The following PLAC1 variants were observed in gnomAD, a reference collection of about 807,000 sequenced individuals.
PLAC1 encodes placenta-specific protein 1.
For synonymous variants in PLAC1, 68 were observed against 62.1 expected, an observed-to-expected ratio of 1.09 and a Z score of -0.44; for missense variants, 136 against 163.2, an observed-to-expected ratio of 0.83 and a Z score of 0.91.
At chrX:134,666,084 C>T (rs916948040) in intron 2 of PLAC1, among the ~76,000 whole-genome samples, 5 of 111,431 alleles carry the variant, frequency 4.5e-5, no homozygotes, top group African/African-American at 1.3e-4. Context: ...AGCAAGCAAA[C>T]GCAGAATCGG....
chrX:134,608,736 C>T (rs1320003440), intron 1 of PLAC1, among the ~76,000 whole-genome samples: 5 of 100,826 alleles, frequency 5.0e-5, no homozygotes, highest in Admixed American at 2.2e-4. Context: ...AGTGCAGTGG[C>T]GCCATCTCCG....
intron 1 of PLAC1, among the ~76,000 whole-genome samples, chrX:134,735,482 G>A (rs984657650): frequency 7.2e-5 from 8 of 111,151 alleles, no homozygotes; most frequent in South Asian, 3.8e-4. Flanking sequence ...TTAGAGGGTC[G>A]AAATAGTGTT....
intron 1 of PLAC1, among the ~76,000 whole-genome samples, chrX:134,622,362 C>T (rs2124409444): frequency 9.0e-6 from 1 of 111,238 alleles, no homozygotes; most frequent in East Asian, 2.8e-4. Context: ...CCTCCCCCCT[C>T]CACAGGAAAT....
intron 2 of PLAC1, among the ~76,000 whole-genome samples, chrX:134,569,622 C>A (rs1006453466): frequency 3.6e-5 from 4 of 110,820 alleles, no homozygotes; most frequent in African/African-American, 1.3e-4. Context: ...AATGAGCTTG[C>A]GAATGCCCAG....
chrX:134,703,622 A>T (rs1432739244), intron 2 of PLAC1, among the ~76,000 whole-genome samples: 1 of 111,229 alleles, frequency 9.0e-6, no homozygotes, highest in Non-Finnish European at 1.9e-5. Context: ...CTTGGTAAAC[A>T]TATAGATAAA....
intron 1 of PLAC1, among the ~76,000 whole-genome samples, chrX:134,758,689 G>A (rs935395997): frequency 1.8e-5 from 2 of 111,649 alleles, no homozygotes; most frequent in Non-Finnish European, 3.8e-5. Context: ...AACACTACAA[G>A]AAAACCTATG....
intron 2 of PLAC1, among the ~76,000 whole-genome samples, chrX:134,581,367 C>A (rs756442234): frequency 5.1e-4 from 56 of 110,696 alleles, no homozygotes; most frequent in African/African-American, 1.7e-3. Flanking sequence ...AAGAAAGCAG[C>A]AGGGTGAAAG....
At chrX:134,758,659 A>C (rs1203509882) in intron 1 of PLAC1, among the ~76,000 whole-genome samples, 1 of 112,256 alleles carries the variant, frequency 8.9e-6, no homozygotes, top group Non-Finnish European at 1.9e-5. Flanking sequence ...TGGATTAAAC[A>C]TAAGACTTGA....
intron 2 of PLAC1, among the ~76,000 whole-genome samples, chrX:134,690,867 G>A (rs1207163404): frequency 1.1e-5 from 1 of 94,778 alleles, no homozygotes; most frequent in Non-Finnish European, 2.0e-5. Context: ...GCTTGAATCC[G>A]GGAGGCGGAG....
chrX:134,684,713 C>A (rs1261271678), intron 2 of PLAC1, among the ~76,000 whole-genome samples: 2 of 111,588 alleles, frequency 1.8e-5, no homozygotes, highest in South Asian at 3.8e-4. Context: ...GTGCAGTTTC[C>A]CTTAGAAGGA....
intron 1 of PLAC1, among the ~76,000 whole-genome samples, chrX:134,734,017 C>G (rs1158583688): frequency 5.4e-5 from 6 of 111,753 alleles, no homozygotes; most frequent in Non-Finnish European, 9.4e-5. Flanking sequence ...CCTAGGAAAC[C>G]TGATTGAAGT....
rs755984418 is a variant in PLAC1 at position 134,585,130 on chromosome X, G to A, written c.-59+16921C>T. On this transcript the variant is annotated intron_variant, in intron 2 of 2. Transcript: ENST00000359237. ...GCGGATCACGAGGTCAGGAGATCGAGACCATCCTGGCTAACATGGTGAAAC... is the reference window on the plus strand; with the variant it reads ...GCGGATCACGAGGTCAGGAGATCGAAACCATCCTGGCTAACATGGTGAAAC... 3.4e-5 allele frequency among the ~76,000 whole-genome samples: 3 copies of A among 87,190 alleles called. No individual in the cohort carries two copies. The East Asian group carries it at 1.2e-3, about 36-fold the overall frequency. 75.7% of individuals were successfully genotyped at this position (87,190 alleles called of 115,157 possible).
chrX:134,577,619 C>A (rs891358805), intron 2 of PLAC1, among the ~76,000 whole-genome samples: 4 of 110,382 alleles, frequency 3.6e-5, no homozygotes, highest in African/African-American at 9.9e-5. Flanking sequence ...AACTGGGGGG[C>A]AGAGGTTGCA....
At chrX:134,763,824 A>G (rs868770096) in intron 1 of PLAC1, among the ~76,000 whole-genome samples, 2 of 90,487 alleles carry the variant, frequency 2.2e-5, no homozygotes, top group Non-Finnish European at 4.2e-5. Flanking sequence ...TCCGAAAAAA[A>G]AAAGAAAGAA....
At chrX:134,660,317 G>A (rs1247613843), upstream of PLAC1, among the ~76,000 whole-genome samples, 1 of 111,251 alleles carries the variant, frequency 9.0e-6, no homozygotes. Context: ...TGTTGGCCAG[G>A]CTGGTCTTGA....
intron 2 of PLAC1, among the ~76,000 whole-genome samples, chrX:134,595,793 G>A (rs1312088573): frequency 9.2e-6 from 1 of 108,923 alleles, no homozygotes; most frequent in African/African-American, 3.3e-5. Context: ...ACATACTGTC[G>A]GGTCATTTTT....
At chrX:134,760,676 A>G (rs2078767606) in intron 1 of PLAC1, among the ~76,000 whole-genome samples, 1 of 110,978 alleles carries the variant, frequency 9.0e-6, no homozygotes, top group Admixed American at 9.6e-5. Flanking sequence ...TACCTATAGT[A>G]TTGTATTTGA....
chrX:134,687,373 C>T, intron 2 of PLAC1, among the ~76,000 whole-genome samples: 1 of 111,223 alleles, frequency 9.0e-6, no homozygotes, highest in Middle Eastern at 4.6e-3. Context: ...TTTTTAAAAC[C>T]TTACGAGTTT....
chrX:134,747,454 G>A (rs2078731547), intron 1 of PLAC1, among the ~76,000 whole-genome samples: 1 of 112,088 alleles, frequency 8.9e-6, no homozygotes, highest in Non-Finnish European at 1.9e-5. Flanking sequence ...GATTTTAAAA[G>A]AAGACATTAT....
Sources: gnomAD v4.1 joint callset for allele counts (sites outside exome capture counted in the v4.1 genomes callset) on GRCh38, gnomAD v4.1.1 for gene constraint, MANE v1.5 for transcripts, NCBI Gene and HGNC (gene_info 2026-07-23, HGNC 2026-07-21) for gene names.